Variants in PCDH15 observed in about 807,000 individuals in gnomAD.
The protein encoded by PCDH15 is protocadherin related 15, also known as protocadherin-15.
In PCDH15, 129 loss-of-function variants were observed where a neutral mutation model predicts 178.5. The ratio of observed to expected loss-of-function variants is 0.72; its 90% CI spans 0.63 to 0.84. The LOEUF is 0.84. Among genes scored for constraint, PCDH15 ranks in the 40% least tolerant of loss-of-function variants. The probability of loss-of-function intolerance (pLI) is 0.00; values close to 1 mark genes in which losing one functional copy is unlikely to be tolerated. For missense variants in PCDH15, 2,230 were observed against 2,099.9 expected (o/e 1.06, Z -1.21); for synonymous variants, 800 against 732.0 (o/e 1.09, Z -1.50).
chr10:54,638,708 C>G (rs2093919693), intron 2 of PCDH15, among the ~76,000 whole-genome samples: 1 of 151,940 alleles, frequency 6.6e-6, no homozygotes, highest in Non-Finnish European at 1.5e-5. Flanking sequence ...AAAAAGAAAT[C>G]ATTATATAAA....
intron 1 of PCDH15, among the ~76,000 whole-genome samples, chr10:55,250,129 T>C (rs1295003567): frequency 7.2e-5 from 11 of 152,086 alleles, no homozygotes; most frequent in Admixed American, 7.2e-4. Context: ...TATTTTAACT[T>C]AATTTATTTA....
intron 2 of PCDH15, among the ~76,000 whole-genome samples, chr10:54,597,345 CTT>C (rs1290658884): frequency 6.6e-6 from 1 of 152,092 alleles, no homozygotes; most frequent in African/African-American, 2.4e-5. Context: ...TCCTGAATGA[CTT>C]TTGGGTAAAT....
At chr10:54,030,330 AATT>A (rs1329057984) in intron 18 of PCDH15, among the ~76,000 whole-genome samples, 1 of 151,446 alleles carries the variant, frequency 6.6e-6, no homozygotes, top group Non-Finnish European at 1.5e-5. Context: ...ACATTTTTAA[AATT>A]ATTATCTATT....
rs555260540 is a variant in PCDH15 at position 54,515,091 on chromosome 10, C to T, written c.157+12721G>A. On this transcript the variant is annotated intron_variant, in intron 3 of 37. Transcript: ENST00000644397. ...ATTTCTGCATTTCCATCTGAGGTACCGGGTTCATCTCACTAGGGAGTGCCA... is the reference window on the plus strand; with the variant it reads ...ATTTCTGCATTTCCATCTGAGGTACTGGGTTCATCTCACTAGGGAGTGCCA... Among the ~76,000 whole-genome samples the T allele has an allele frequency of 3.2e-4, 49 of 152,260 alleles. No individual in the cohort carries two copies. The South Asian group carries it at 7.0e-3, about 22-fold the overall frequency.
intron 2 of PCDH15, among the ~76,000 whole-genome samples, chr10:55,542,229 T>C (rs542931619): frequency 6.6e-6 from 1 of 151,548 alleles, no homozygotes; most frequent in African/African-American, 2.4e-5. Context: ...TGTGCATGTG[T>C]ACAGTATATG....
intron 4 of PCDH15, among the ~76,000 whole-genome samples, chr10:54,370,682 T>G (rs573381906): frequency 6.6e-6 from 1 of 152,072 alleles, no homozygotes; most frequent in African/African-American, 2.4e-5. Flanking sequence ...GATTAGACTA[T>G]ACTAGGCATA....
chr10:54,038,254 A>T (rs2093463875), intron 18 of PCDH15, among the ~76,000 whole-genome samples: 2 of 151,902 alleles, frequency 1.3e-5, no homozygotes, highest in African/African-American at 4.8e-5. Flanking sequence ...TAGATTTTTT[A>T]AAAAAGAGCC....
chr10:54,517,042 A>C (rs1442090476), intron 3 of PCDH15, among the ~76,000 whole-genome samples: 1 of 152,174 alleles, frequency 6.6e-6, no homozygotes, highest in African/African-American at 2.4e-5. Flanking sequence ...GCCTGCCCCA[A>C]AAGAGCTCCT....
At chr10:54,272,425 A>C (rs909839850) in intron 8 of PCDH15, among the ~76,000 whole-genome samples, 2 of 152,040 alleles carry the variant, frequency 1.3e-5, no homozygotes, top group African/African-American at 4.8e-5. Flanking sequence ...TATTCTGGCA[A>C]TTGATGGTGA....
chr10:55,034,752 T>G, intron 2 of PCDH15, among the ~76,000 whole-genome samples: 1 of 152,184 alleles, frequency 6.6e-6, no homozygotes, highest in East Asian at 1.9e-4. Flanking sequence ...TTATGTTTTA[T>G]AAAAACCTGT....
chr10:54,765,575 A>C (rs2133200048), intron 1 of PCDH15, among the ~76,000 whole-genome samples: 1 of 152,278 alleles, frequency 6.6e-6, no homozygotes, highest in South Asian at 2.1e-4. Flanking sequence ...GAATGAGTAA[A>C]CACATTTTAA....
At chr10:54,707,416 G>A (rs2095376538) in intron 1 of PCDH15, among the ~76,000 whole-genome samples, 1 of 152,126 alleles carries the variant, frequency 6.6e-6, no homozygotes, top group Non-Finnish European at 1.5e-5. Flanking sequence ...GTAACTTGCT[G>A]GTATAGAAAC....
At chr10:54,682,196 A>G (rs2094914696) in intron 1 of PCDH15, among the ~76,000 whole-genome samples, 1 of 148,850 alleles carries the variant, frequency 6.7e-6, no homozygotes, top group Non-Finnish European at 1.5e-5. Flanking sequence ...TATTTTTTTT[A>G]TGTTTAGTTT....
chr10:54,588,036 T>C (rs2091621557), intron 2 of PCDH15, among the ~76,000 whole-genome samples: 1 of 152,164 alleles, frequency 6.6e-6, no homozygotes, highest in African/African-American at 2.4e-5. Context: ...TAATATTTAT[T>C]CTTGATTATT....
intron 2 of PCDH15, among the ~76,000 whole-genome samples, chr10:55,417,534 A>G (rs557515015): frequency 6.6e-6 from 1 of 151,922 alleles, no homozygotes; most frequent in Non-Finnish European, 1.5e-5. Flanking sequence ...AATGCATAAT[A>G]AAAGAAAAAA....
In PCDH15 at chr10:55,057,660, T is replaced by TTCTC. The variant is rs1420447987; in HGVS notation, c.-80+108915_-80+108916insGAGA. 1.4e-4 allele frequency among the ~76,000 whole-genome samples: 22 copies of TTCTC among 152,148 alleles called. 1 individual carries two copies. The East Asian group carries it at 1.9e-3, about 13-fold the overall frequency. On this transcript the variant is annotated intron_variant, in intron 2 of 5. Transcript: ENST00000458638. ...ATTCTGAACGCTAGAATCCCTTTCT[T>TTCTC]CTCCTCTCCCCTTTCTCCATGATAT...
chr10:54,262,060 C>G (rs2057352189), intron 8 of PCDH15, among the ~76,000 whole-genome samples: 1 of 152,166 alleles, frequency 6.6e-6, no homozygotes. Context: ...ACTACATACC[C>G]ACAATGTACT....
intron 1 of PCDH15, among the ~76,000 whole-genome samples, chr10:54,789,594 A>G (rs139376880): frequency 6.6e-6 from 1 of 152,054 alleles, no homozygotes; most frequent in African/African-American, 2.4e-5. Flanking sequence ...TGGCATATTT[A>G]TGATATGTTG....
At chr10:54,931,178 T>A (rs1487159058) in intron 2 of PCDH15, among the ~76,000 whole-genome samples, 1 of 152,224 alleles carries the variant, frequency 6.6e-6, no homozygotes, top group African/African-American at 2.4e-5. Flanking sequence ...GTGACAGTGA[T>A]GAGCTATATT....
Sources: gnomAD v4.1 joint callset for allele counts (sites outside exome capture counted in the v4.1 genomes callset) on GRCh38, gnomAD v4.1.1 for gene constraint, MANE v1.5 for transcripts, NCBI Gene and HGNC (gene_info 2026-07-23, HGNC 2026-07-21) for gene names.